TCF4: variants seen among roughly 807,000 people sequenced by gnomAD.
The protein encoded by TCF4 is transcription factor 4.
Under a neutral mutation model 82.1 loss-of-function variants are expected in TCF4, and 3 were observed. The observed-to-expected ratio is 0.04, with a 90% confidence interval of 0.02 to 0.09. The LOEUF is 0.09. TCF4 is among the 10% of genes least tolerant of loss of function. TCF4 has a pLI of 1.00. For synonymous variants in TCF4, 276 were observed against 309.6 expected, an observed-to-expected ratio of 0.89 and a Z score of 1.14; for missense variants, 518 against 852.7, an observed-to-expected ratio of 0.61 and a Z score of 4.89.
At chr18:55,234,235 C>T (rs1344293380) in intron 16 of TCF4, among the ~76,000 whole-genome samples, 3 of 152,170 alleles carry the variant, frequency 2.0e-5, no homozygotes, top group Admixed American at 2.0e-4. Flanking sequence ...CCACAACTAA[C>T]CACATTAGAG....
intron 6 of TCF4, among the ~76,000 whole-genome samples, chr18:55,395,871 A>C (rs936246828): frequency 6.6e-6 from 1 of 152,234 alleles, no homozygotes; most frequent in Non-Finnish European, 1.5e-5. Context: ...ATTGGTTTTA[A>C]GGAAATTGCA....
intron 3 of TCF4, among the ~76,000 whole-genome samples, chr18:55,545,077 G>T (rs141786681): frequency 6.6e-6 from 1 of 152,272 alleles, no homozygotes; most frequent in Admixed American, 6.5e-5. Flanking sequence ...TCAAATCCTG[G>T]CTCAGCCAAA....
At chr18:55,289,699 C>A (rs1050948970) in intron 8 of TCF4, among the ~76,000 whole-genome samples, 6 of 152,090 alleles carry the variant, frequency 3.9e-5, no homozygotes, top group Non-Finnish European at 8.8e-5. Flanking sequence ...ACTGTTTTAT[C>A]AATTAAATGA....
chr18:55,406,440 C>T (rs1250441111), intron 5 of TCF4, among the ~76,000 whole-genome samples: 1 of 151,988 alleles, frequency 6.6e-6, no homozygotes, highest in Admixed American at 6.6e-5. Flanking sequence ...TAAAAGGACA[C>T]CTCAGTTTCT....
intron 8 of TCF4, among the ~76,000 whole-genome samples, chr18:55,313,174 T>C (rs76137950): frequency 7.6e-4 from 115 of 152,250 alleles, no homozygotes; most frequent in African/African-American, 2.7e-3. Flanking sequence ...TACACTCCTA[T>C]GGCAACTGTG....
intron 7 of TCF4, 54 bp from the exon 8 acceptor site, chr18:55,350,462 G>C (rs948260437): frequency 1.3e-6 from 2 of 1,592,858 alleles, no homozygotes; most frequent in Admixed American, 3.3e-5. Flanking sequence ...TCCTAACTAA[G>C]ATAGGTTAAA....
chr18:55,369,706 A>T (rs999645516), intron 6 of TCF4, among the ~76,000 whole-genome samples: 1 of 151,810 alleles, frequency 6.6e-6, no homozygotes, highest in Non-Finnish European at 1.5e-5. Context: ...AAGACAAAAA[A>T]AGTTGTTGGG....
intron 3 of TCF4, among the ~76,000 whole-genome samples, chr18:55,476,768 T>C (rs1416812777): frequency 6.6e-6 from 1 of 152,162 alleles, no homozygotes. Context: ...ATGCCCAGCC[T>C]ACAGCCCTTG....
chr18:55,307,717 C>G (rs2070833434), intron 8 of TCF4, among the ~76,000 whole-genome samples: 1 of 152,164 alleles, frequency 6.6e-6, no homozygotes. Context: ...AAAGAGTGCA[C>G]AGCACACAAA....
At chr18:55,265,625 C>T (rs1382367999) in intron 11 of TCF4, 4 of 152,122 alleles carry the variant, frequency 2.6e-5, no homozygotes, top group Non-Finnish European at 4.4e-5. Context: ...GCTTGTTCAT[C>T]GCCTGACTAC....
chr18:55,630,376 A>G (rs981171141), intron 2 of TCF4, among the ~76,000 whole-genome samples: 3 of 152,182 alleles, frequency 2.0e-5, no homozygotes, highest in African/African-American at 7.2e-5. Flanking sequence ...TACTATTTCA[A>G]TGGCACTGTG....
intron 11 of TCF4, chr18:55,266,534 G>A (rs1238897178): frequency 1.3e-5 from 2 of 151,984 alleles, no homozygotes; most frequent in African/African-American, 4.8e-5. Context: ...TTTCAATTCA[G>A]AAAGGTCTAA....
Position 55,586,116 on chromosome 18 carries a change from AGAGGAG to A in TCF4, c.73-770_73-765del, listed in dbSNP as rs987632444. The A allele has an allele frequency of 9.9e-6, 14 of 1,412,812 alleles. No homozygotes were observed. In the African/African-American group the frequency reaches 1.6e-4, roughly 16 times the overall value. The allele number at this position is 1,412,812 out of a possible 1,614,324, so 87.5% of individuals were successfully genotyped here. A position where few individuals can be genotyped will look rare whatever the true frequency, so the allele number is the denominator to read the frequency against. On this transcript the variant is annotated intron_variant, in intron 2 of 19. Coordinates refer to ENST00000354452, the MANE Select transcript of TCF4 (RefSeq NM_001083962.2). ...CCATTTCTCCAAAAGAAGGTCTAGA[AGAGGAG>A]GAGGAGGAGGAGAAGGAGGAGGAGG...
rs1448487271 is a variant in TCF4, at chr18:55,588,062, C to T, written c.-45G>A. On this transcript the variant is annotated 5_prime_UTR_variant, in exon 1 of 20. Transcript: ENST00000354452. ...CCGCCCGCGCGCGAGAAGGGGCTCTCCGTGCACCGCCGGCGCCGAGGCGGC... is the reference window on the plus strand; with the variant it reads ...CCGCCCGCGCGCGAGAAGGGGCTCTTCGTGCACCGCCGGCGCCGAGGCGGC... 1 of 990,452 alleles carries T rather than the reference C, an allele frequency of 1.0e-6. No homozygotes were observed. Among genetic ancestry groups the T allele is most frequent in the African/African-American group, 1.8e-5 (1 of 57,062 alleles). 61.4% of individuals were successfully genotyped at this position (990,452 alleles called of 1,614,324 possible).
At chr18:55,364,253 G>C (rs1161657046) in intron 6 of TCF4, among the ~76,000 whole-genome samples, 1 of 152,192 alleles carries the variant, frequency 6.6e-6, no homozygotes, top group Non-Finnish European at 1.5e-5. Context: ...GTGCATAGAT[G>C]CCTATGGTAA....
intron 10 of TCF4, among the ~76,000 whole-genome samples, chr18:55,273,044 A>G (rs531306856): frequency 3.2e-4 from 48 of 152,244 alleles, no homozygotes; most frequent in African/African-American, 1.0e-3. Flanking sequence ...CAAACATAAA[A>G]TCATCTACAA....
At chr18:55,247,256 G>C (rs762918039) in intron 15 of TCF4, among the ~76,000 whole-genome samples, 6 of 152,212 alleles carry the variant, frequency 3.9e-5, no homozygotes, top group Non-Finnish European at 8.8e-5. Flanking sequence ...TGGTGGCTTT[G>C]ATGTGGGCAT....
In TCF4 at chr18:55,494,157, G is replaced by GACACACACACACACACACACAC. The variant is rs3138626; in HGVS notation, c.146-30042_146-30021dup. 4.8e-3 allele frequency among the ~76,000 whole-genome samples: 702 copies of GACACACACACACACACACACAC among 147,710 alleles called. 2 individuals carry two copies. Among genetic ancestry groups the GACACACACACACACACACACAC allele is most frequent in the African/African-American group, 7.9e-3 (319 of 40,254 alleles). On this transcript the variant is annotated intron_variant, in intron 3 of 19. Coordinates refer to ENST00000354452, the MANE Select transcript of TCF4 (RefSeq NM_001083962.2). ...ACAGCAATGTGATTGAAATATTATGGACACACACACACACACACACACACA... is the reference window on the plus strand; with the variant it reads ...ACAGCAATGTGATTGAAATATTATGGACACACACACACACACACACACACACACACACACACACACACACACA...
intron 5 of TCF4, among the ~76,000 whole-genome samples, chr18:55,428,783 T>C (rs1428101344): frequency 2.6e-5 from 4 of 152,164 alleles, no homozygotes; most frequent in Admixed American, 1.3e-4. Flanking sequence ...GGATAAACAA[T>C]GTTTGGTGTC....
Sources: allele counts gnomAD v4.1 joint callset (sites outside exome capture counted in the v4.1 genomes callset), GRCh38; gene constraint gnomAD v4.1.1; transcripts MANE v1.5; gene names NCBI Gene and HGNC (gene_info 2026-07-23, HGNC 2026-07-21).